Variants in ACTR2 observed in about 807,000 individuals in gnomAD.
The protein encoded by ACTR2 is actin-related protein 2.
Under a neutral mutation model 50.2 loss-of-function variants are expected in ACTR2, and 5 were observed. The ratio of observed to expected loss-of-function variants is 0.10; its 90% confidence interval spans 0.05 to 0.21. The LOEUF (loss-of-function observed/expected upper bound fraction) is 0.21, where lower values mean the gene tolerates loss of function less well. Among genes scored for constraint, ACTR2 ranks in the 10% least tolerant of loss-of-function variants. The pLI is 1.00. For missense variants in ACTR2, 180 were observed against 480.6 expected (o/e 0.37, Z 5.85); for synonymous variants, 140 against 162.9 (o/e 0.86, Z 1.07).
At chr2:65,263,010 A>C (rs1047799476) in intron 7 of ACTR2, among the ~76,000 whole-genome samples, 2 of 150,796 alleles carry the variant, frequency 1.3e-5, no homozygotes, top group Non-Finnish European at 3.0e-5. Flanking sequence ...AAACATATAT[A>C]TATATATAAA....
At position 65,227,881 on chromosome 2, in the gene ACTR2, G is replaced by A; in HGVS notation, c.-29G>A. 1 of 1,502,196 alleles carries A rather than the reference G, an allele frequency of 6.7e-7. No individual in the cohort carries two copies. The highest frequency in any genetic ancestry group is 1.2e-5 in the South Asian group (1 of 80,074). The allele number at this position is 1,502,196 out of a possible 1,614,324, so 93.1% of individuals were successfully genotyped here. The stretch of plus-strand genomic sequence containing the variant: ...GGGCGGCGGTGGCTGTAGGTTGTGC[G>A]GCTGCAGCGGCTCTTCCCTGGGCGG... On this transcript the variant is annotated 5_prime_UTR_variant, in exon 1 of 9. Transcript: ENST00000260641.
chr2:65,259,749 A>G (rs1413191778), intron 6 of ACTR2, among the ~76,000 whole-genome samples: 3 of 152,064 alleles, frequency 2.0e-5, no homozygotes, highest in Non-Finnish European at 4.4e-5. Context: ...TAAATTATAA[A>G]TGTACTGTTA....
chr2:65,260,848 G>C (rs1028593429), intron 6 of ACTR2, among the ~76,000 whole-genome samples: 4 of 149,976 alleles, frequency 2.7e-5, no homozygotes, highest in African/African-American at 9.8e-5. Flanking sequence ...TCCTGCCTCA[G>C]CCTCCCCGAG....
At position 65,246,541 on chromosome 2, in the gene ACTR2, T is replaced by C. The variant is rs1217339762; in HGVS notation, c.177T>C (p.Asp59=). 4.4e-6 allele frequency: 7 copies of C among 1,605,318 alleles called. No homozygotes were observed. The highest frequency in any genetic ancestry group is 5.1e-6 in the Non-Finnish European group (6 of 1,176,776). The change falls in exon 3 of 9, where the codon GAT becomes GAC. Residue 59 remains aspartate (D), a synonymous_variant. Transcript: ENST00000260641. The part of the protein sequence containing the change: ...NIEIKDLMVG[D]EASELRSMLE... ...TTTTCTAGGATCTTATGGTTGGTGA[T>C]GAGGCAAGTGAATTACGATCAATGT...
rs1384109107 is a variant in ACTR2, at chr2:65,261,229, A to G, written c.736-18A>G. 1.9e-6 allele frequency: 3 copies of G among 1,613,550 alleles called. No homozygotes were observed. The highest frequency in any genetic ancestry group is 2.5e-6 in the Non-Finnish European group (3 of 1,179,908). ...TTAATCTTTTGCTGATTAGTACCTG[A>G]TTATTCTTGGTTTCTAGCTCCCAGA... On this transcript the variant is annotated intron_variant, in intron 6 of 8. Transcript: ENST00000260641.
At position 65,269,606 on chromosome 2, in the gene ACTR2, T is replaced by C. The variant is rs945751287; in HGVS notation, c.*872T>C. 6.6e-6 allele frequency: 1 copy of C among 152,198 alleles called. No individual in the cohort carries two copies. The highest frequency in any genetic ancestry group is 6.5e-5 in the Admixed American group (1 of 15,280). The allele number at this position is 152,198 out of a possible 1,614,324, so 9.4% of individuals were successfully genotyped here. Reference sequence around the variant, plus strand: ...CCTTTGGGTAATTCGAATTACAGATTTAAAAGAGCTTAAGATCTGGTGTTT... The same window carrying C: ...CCTTTGGGTAATTCGAATTACAGATCTAAAAGAGCTTAAGATCTGGTGTTT... On this transcript the variant is annotated 3_prime_UTR_variant, in exon 9 of 9. Coordinates refer to ENST00000260641, the MANE Select transcript of ACTR2 (RefSeq NM_005722.4).
intron 2 of ACTR2, 116 bp from the exon 3 acceptor site, chr2:65,246,408 C>T: frequency 1.4e-6 from 1 of 728,960 alleles, no homozygotes; most frequent in Non-Finnish European, 2.2e-6. Context: ...GATTTTCTAA[C>T]TTGTGGAATA....
rs774219551 is a variant in ACTR2 at position 65,239,878 on chromosome 2, T to C, written c.75T>C (p.Ser25=). 1.2e-5 allele frequency: 20 copies of C among 1,612,762 alleles called. No individual in the cohort carries two copies. The highest frequency in any genetic ancestry group is 1.6e-5 in the Non-Finnish European group (19 of 1,179,302). ...TTGTGAAGTGTGGATATGCAGGCTC[T>C]AACTTTCCAGAACACATCTTCCCAG... ...TGFVKCGYAG[S]NFPEHIFPAL... is the part of the protein sequence containing the mutation. The change falls in exon 2 of 9, where the codon TCT becomes TCC. Residue 25 remains serine (S), a synonymous_variant. Coordinates refer to ENST00000260641, the MANE Select transcript of ACTR2 (RefSeq NM_005722.4).
chr2:65,241,762 T>G (rs1671844133), intron 2 of ACTR2, among the ~76,000 whole-genome samples: 1 of 152,200 alleles, frequency 6.6e-6, no homozygotes, highest in Non-Finnish European at 1.5e-5. Flanking sequence ...ATTCCTGTGC[T>G]TAGTATTTTG....
At chr2:65,258,967 T>C (rs1185951005) in intron 6 of ACTR2, among the ~76,000 whole-genome samples, 1 of 147,318 alleles carries the variant, frequency 6.8e-6, no homozygotes, top group Non-Finnish European at 1.5e-5. Flanking sequence ...TTTGGTAACC[T>C]TTTTTTTTTC....
In ACTR2 at chr2:65,268,895, T is replaced by G; in HGVS notation, c.*161T>G. 1.4e-6 allele frequency: 1 copy of G among 734,568 alleles called. No homozygotes were observed. The highest frequency in any genetic ancestry group is 3.1e-5 in the Admixed American group (1 of 32,236). 45.5% of individuals were successfully genotyped at this position (734,568 alleles called of 1,614,324 possible). A position where few individuals can be genotyped will look rare whatever the true frequency, so the allele number is the denominator to read the frequency against. On this transcript the variant is annotated 3_prime_UTR_variant, in exon 9 of 9. Coordinates refer to ENST00000260641, the MANE Select transcript of ACTR2 (RefSeq NM_005722.4). ...GTGTCTTGGGGAAGCTTTGTTAAATTTTTGTTAATGTGGGTAAATCTGAGT... is the reference window on the plus strand; with the variant it reads ...GTGTCTTGGGGAAGCTTTGTTAAATGTTTGTTAATGTGGGTAAATCTGAGT...
chr2:65,258,010 T>C (rs558152764), intron 6 of ACTR2, among the ~76,000 whole-genome samples: 28 of 152,346 alleles, frequency 1.8e-4, no homozygotes, highest in Admixed American at 1.1e-3. Context: ...AGTCATGAAG[T>C]CTTTGCCCAT....
chr2:65,247,374 G>C (rs1195397545), intron 3 of ACTR2, among the ~76,000 whole-genome samples: 1 of 152,078 alleles, frequency 6.6e-6, no homozygotes, highest in Admixed American at 6.6e-5. Context: ...AGATCACAAG[G>C]TCAGGAGATC....
At chr2:65,232,221 T>C (rs1434161639) in intron 1 of ACTR2, among the ~76,000 whole-genome samples, 1 of 152,232 alleles carries the variant, frequency 6.6e-6, no homozygotes, top group Non-Finnish European at 1.5e-5. Flanking sequence ...ACGTGTCTTG[T>C]TACCAGACTA....
At chr2:65,232,658 T>G (rs1419812368) in intron 1 of ACTR2, among the ~76,000 whole-genome samples, 1 of 151,934 alleles carries the variant, frequency 6.6e-6, no homozygotes. Flanking sequence ...GGTTATTATT[T>G]TTTTGAAGAG....
chr2:65,270,218 A>G lies in ACTR2; in HGVS notation c.*1484A>G, dbSNP rs268877. The G allele has an allele frequency of 0.99, 151,029 of 152,740 alleles. 74,679 individuals carry two copies. The highest frequency in any genetic ancestry group is 1 in the East Asian group (5,189 of 5,190). 9.5% of individuals were successfully genotyped at this position (152,740 alleles called of 1,614,324 possible). The stretch of plus-strand genomic sequence containing the variant: ...TTAAAACTTTTTTTTAACTAATAAT[A>G]GCTTTGAAAGAAGAGGCTTAATTTG... On this transcript the variant is annotated 3_prime_UTR_variant, in exon 9 of 9. Coordinates refer to ENST00000260641, the MANE Select transcript of ACTR2 (RefSeq NM_005722.4).
chr2:65,241,672 A>G (rs1671842998), intron 2 of ACTR2, among the ~76,000 whole-genome samples: 1 of 152,178 alleles, frequency 6.6e-6, no homozygotes, highest in Non-Finnish European at 1.5e-5. Context: ...CTACTCAGCT[A>G]GACCTTTGCT....
At chr2:65,248,558 GATA>G (rs1285662721) in intron 3 of ACTR2, among the ~76,000 whole-genome samples, 1 of 152,168 alleles carries the variant, frequency 6.6e-6, no homozygotes, top group East Asian at 1.9e-4. Context: ...TTAAGCAAAA[GATA>G]ATGATGGTTA....
At chr2:65,254,697 CAACA>C (rs1207128645) in intron 5 of ACTR2, among the ~76,000 whole-genome samples, 5 of 152,104 alleles carry the variant, frequency 3.3e-5, no homozygotes, top group Admixed American at 2.0e-4. Context: ...GCTGGCTGCA[CAACA>C]AACAATGTAT....
Sources: gnomAD v4.1 joint callset for allele counts (sites outside exome capture counted in the v4.1 genomes callset) on GRCh38, gnomAD v4.1.1 for gene constraint, MANE v1.5 for transcripts, NCBI Gene and HGNC (gene_info 2026-07-23, HGNC 2026-07-21) for gene names.